SGCZ: variants seen among roughly 807,000 people sequenced by gnomAD.
SGCZ encodes the protein sarcoglycan zeta.
A neutral mutation model predicts 41.3 loss-of-function variants in SGCZ; 40 were observed. The observed-to-expected ratio is 0.97, with a 90% CI of 0.75 to 1.26. The LOEUF (loss-of-function observed/expected upper bound fraction) is 1.26. Ranked by LOEUF, SGCZ falls within the 50% of genes most tolerant of loss-of-function variation. The pLI is 0.00. For missense variants in SGCZ, 552 were observed against 369.8 expected (o/e 1.49, Z -4.04); for synonymous variants, 206 against 137.5 (o/e 1.50, Z -3.49).
intron 2 of SGCZ, among the ~76,000 whole-genome samples, chr8:14,431,152 A>G (rs1379042881): frequency 1.3e-5 from 2 of 152,168 alleles, no homozygotes; most frequent in East Asian, 3.9e-4. Flanking sequence ...TGCCATCAAA[A>G]TACCACAACC....
intron 5 of SGCZ, among the ~76,000 whole-genome samples, chr8:14,137,734 G>T (rs750056390): frequency 2.0e-5 from 3 of 152,152 alleles, no homozygotes; most frequent in African/African-American, 7.2e-5. Context: ...GGGGAGAATG[G>T]ACCCAAGTTG....
At chr8:14,816,251 G>A (rs909051287) in intron 1 of SGCZ, among the ~76,000 whole-genome samples, 1 of 152,290 alleles carries the variant, frequency 6.6e-6, no homozygotes, top group Admixed American at 6.5e-5. Context: ...CGTTTGAGCA[G>A]CACAGTTCTA....
intron 2 of SGCZ, among the ~76,000 whole-genome samples, chr8:14,443,108 A>T (rs28447216): frequency 9.2e-5 from 14 of 152,212 alleles, no homozygotes; most frequent in Admixed American, 3.3e-4. Flanking sequence ...TACAAGGGAC[A>T]TGAAGGACCT....
chr8:14,110,155 G>T (rs1802329155), intron 5 of SGCZ, among the ~76,000 whole-genome samples: 1 of 152,086 alleles, frequency 6.6e-6, no homozygotes, highest in African/African-American at 2.4e-5. Flanking sequence ...CACTAATTTT[G>T]TGATTATAGT....
At chr8:14,323,645 C>A (rs888035834) in intron 3 of SGCZ, among the ~76,000 whole-genome samples, 1 of 152,060 alleles carries the variant, frequency 6.6e-6, no homozygotes, top group Non-Finnish European at 1.5e-5. Context: ...TTTTACATCA[C>A]GTACATCCAG....
intron 4 of SGCZ, among the ~76,000 whole-genome samples, chr8:14,181,305 G>C (rs1235249304): frequency 4.6e-5 from 7 of 152,278 alleles, no homozygotes; most frequent in Middle Eastern, 3.4e-3. Flanking sequence ...CAATTGTTGG[G>C]TATATTGATA....
chr8:14,760,168 G>A (rs1585237533), intron 1 of SGCZ, among the ~76,000 whole-genome samples: 1 of 152,018 alleles, frequency 6.6e-6, no homozygotes, highest in African/African-American at 2.4e-5. Context: ...GACTATGCCC[G>A]GAAATAATTA....
intron 1 of SGCZ, among the ~76,000 whole-genome samples, chr8:14,783,874 GA>G (rs1800667189): frequency 6.6e-6 from 1 of 152,104 alleles, no homozygotes; most frequent in Non-Finnish European, 1.5e-5. Context: ...TCAGAACAAA[GA>G]TAAGTGGAAA....
At chr8:14,579,869 A>G (rs576847047) in intron 1 of SGCZ, among the ~76,000 whole-genome samples, 1 of 152,256 alleles carries the variant, frequency 6.6e-6, no homozygotes, top group South Asian at 2.1e-4. Flanking sequence ...GAGACTGAAA[A>G]ATCCTTATAA....
At chr8:15,203,771 C>T (rs574826481) in intron 1 of SGCZ, among the ~76,000 whole-genome samples, 1 of 152,262 alleles carries the variant, frequency 6.6e-6, no homozygotes, top group Admixed American at 6.5e-5. Context: ...CAATAACCTC[C>T]TTGTCCATCA....
At chr8:14,100,562 A>AAT (rs398073223) in intron 7 of SGCZ, among the ~76,000 whole-genome samples, 6 of 135,390 alleles carry the variant, frequency 4.4e-5, no homozygotes, top group African/African-American at 5.4e-5. Flanking sequence ...TTAATATATT[A>AAT]TATATTAATA....
chr8:14,443,802 T>C (rs1033405843), intron 2 of SGCZ, among the ~76,000 whole-genome samples: 6 of 151,910 alleles, frequency 3.9e-5, no homozygotes, highest in African/African-American at 1.5e-4. Flanking sequence ...AAAGACAAAA[T>C]TGACAAATGG....
intron 1 of SGCZ, among the ~76,000 whole-genome samples, chr8:14,902,604 T>C (rs984992189): frequency 3.3e-5 from 5 of 152,154 alleles, no homozygotes; most frequent in Non-Finnish European, 7.3e-5. Context: ...ATAACATGAA[T>C]ATGGGATTTG....
intron 1 of SGCZ, among the ~76,000 whole-genome samples, chr8:15,193,212 A>C (rs1197991508): frequency 1.3e-5 from 2 of 152,098 alleles, no homozygotes; most frequent in Non-Finnish European, 2.9e-5. Context: ...GACGATGATA[A>C]TAGCATTCAC....
rs796884536 is a variant in SGCZ at position 14,671,271 on chromosome 8, C to G, written c.40-116345G>C. On this transcript the variant is annotated intron_variant, in intron 1 of 7. Transcript: ENST00000382080. ...CAGTGGTATCTTTTTATGACCTCTACTGGCTGTCTCTGCTCTGGCATTTCA... is the reference window on the plus strand; with the variant it reads ...CAGTGGTATCTTTTTATGACCTCTAGTGGCTGTCTCTGCTCTGGCATTTCA... Among the ~76,000 whole-genome samples, 15 of 152,312 alleles carry G rather than the reference C, an allele frequency of 9.8e-5. 1 individual carries two copies. The highest frequency in any genetic ancestry group is 3.6e-4 in the African/African-American group (15 of 41,566).
At chr8:14,573,259 G>A (rs529368970) in intron 1 of SGCZ, among the ~76,000 whole-genome samples, 2 of 137,910 alleles carry the variant, frequency 1.5e-5, no homozygotes, top group Non-Finnish European at 3.0e-5. Context: ...GTGCAGTGGC[G>A]CTGTCTCGGC....
At chr8:14,847,881 C>T (rs1160742354) in intron 1 of SGCZ, among the ~76,000 whole-genome samples, 2 of 149,832 alleles carry the variant, frequency 1.3e-5, no homozygotes, top group East Asian at 4.0e-4. Context: ...CAACATTGTA[C>T]TTGAGGTACT....
intron 1 of SGCZ, among the ~76,000 whole-genome samples, chr8:14,778,563 T>A (rs1242936335): frequency 6.6e-6 from 1 of 151,962 alleles, no homozygotes; most frequent in East Asian, 1.9e-4. Context: ...CTAGAAAGAA[T>A]TTTAAAATGT....
chr8:14,585,479 CATATTATGAAT>C (rs1252845104), intron 1 of SGCZ, among the ~76,000 whole-genome samples: 1 of 151,964 alleles, frequency 6.6e-6, no homozygotes, highest in African/African-American at 2.4e-5. Flanking sequence ...TTATGACTCC[CATATTATGAAT>C]ATGGTATTTC....
Sources: gnomAD v4.1 joint callset for allele counts (sites outside exome capture counted in the v4.1 genomes callset) on GRCh38, gnomAD v4.1.1 for gene constraint, MANE v1.5 for transcripts, NCBI Gene and HGNC (gene_info 2026-07-23, HGNC 2026-07-21) for gene names.